The following AGO2 variants were observed in gnomAD, a reference collection of about 807,000 sequenced individuals.
The protein encoded by AGO2 is protein argonaute-2.
Under a neutral mutation model 102.3 loss-of-function variants are expected in AGO2, and 5 were observed. That is an observed-to-expected ratio of 0.05 (90% CI 0.03 to 0.10). AGO2 has a LOEUF of 0.10. Ranked by LOEUF, AGO2 falls within the 10% of genes least tolerant of loss-of-function variation. The pLI, the probability that AGO2 is intolerant of heterozygous loss-of-function variation, is 1.00. For synonymous variants in AGO2, 449 were observed against 473.1 expected (o/e 0.95, Z 0.66); for missense variants, 541 against 1,183.7 (o/e 0.46, Z 7.97).
At chr8:140,590,833 A>G (rs9644532) in intron 1 of AGO2, among the ~76,000 whole-genome samples, 121,828 of 152,136 alleles carry the variant, frequency 0.8, 49,079 homozygotes, top group Admixed American at 0.84. Flanking sequence ...GCTGGCCATC[A>G]ACCAGAGCCC....
intron 1 of AGO2, among the ~76,000 whole-genome samples, chr8:140,618,041 C>T (rs1051372132): frequency 3.3e-5 from 5 of 151,478 alleles, no homozygotes; most frequent in East Asian, 2.0e-4. Flanking sequence ...TGGTGGCTCA[C>T]GCCTGTAATC....
intron 2 of AGO2, among the ~76,000 whole-genome samples, chr8:140,584,782 T>C (rs7009635): frequency 0.43 from 65,159 of 151,920 alleles, 16,909 homozygotes; most frequent in Non-Finnish European, 0.59. Context: ...GCCGTGACTT[T>C]AGGGGCTGGG....
rs770899001 is a variant in AGO2 at position 140,572,880 on chromosome 8, G to A, written c.268C>T (p.Arg90Trp). The change falls in exon 3 of 19, where the codon CGG (arginine) becomes TGG (tryptophan). Residue 90 changes from arginine (R) to tryptophan (W), a missense_variant. Transcript: ENST00000220592. ...QHFKTQIFGD[R>W]KPVFDGRKNL... ...TTCCTGCCGTCAAACACGGGCTTCC[G>A]ATCCCCAAAGATCTGTGTTTTAAAG... 8.1e-6 allele frequency: 13 copies of A among 1,613,958 alleles called. No homozygotes were observed. The highest frequency in any genetic ancestry group is 2.7e-5 in the African/African-American group (2 of 74,902).
At chr8:140,604,986 C>A (rs190596886) in intron 1 of AGO2, among the ~76,000 whole-genome samples, 1 of 152,272 alleles carries the variant, frequency 6.6e-6, no homozygotes, top group East Asian at 1.9e-4. Flanking sequence ...TCTGCATAAA[C>A]GTGCACTATG....
chr8:140,573,694 C>T (rs1404438721), intron 2 of AGO2, among the ~76,000 whole-genome samples: 2 of 152,252 alleles, frequency 1.3e-5, no homozygotes, highest in African/African-American at 4.8e-5. Context: ...TGTGAAGGCA[C>T]TGACGAGAAG....
intron 1 of AGO2, among the ~76,000 whole-genome samples, chr8:140,615,628 T>C (rs2074132378): frequency 6.6e-6 from 1 of 152,268 alleles, no homozygotes. Context: ...TGGTGGCTTC[T>C]GTCCACTACA....
At chr8:140,606,074 A>G (rs1352073114) in intron 1 of AGO2, among the ~76,000 whole-genome samples, 2 of 152,254 alleles carry the variant, frequency 1.3e-5, no homozygotes, top group Non-Finnish European at 2.9e-5. Context: ...TCATGCTCAC[A>G]GTAAAATATT....
At chr8:140,551,718 G>GGGTGGATGGTTGATGGGTC (rs2073001999) in intron 10 of AGO2, among the ~76,000 whole-genome samples, 1 of 92,714 alleles carries the variant, frequency 1.1e-5, no homozygotes, top group South Asian at 3.9e-4. Context: ...GTTGATGGGT[G>GGGTGGATGGTTGATGGGTC]GGTGGATGGT....
intron 1 of AGO2, among the ~76,000 whole-genome samples, chr8:140,603,159 G>A (rs1046003155): frequency 6.6e-6 from 1 of 152,198 alleles, no homozygotes; most frequent in African/African-American, 2.4e-5. Flanking sequence ...CCCCCACGGC[G>A]GCGTGGCGGA....
intron 3 of AGO2, among the ~76,000 whole-genome samples, chr8:140,571,336 G>C (rs1214365807): frequency 1.3e-5 from 2 of 152,212 alleles, no homozygotes; most frequent in Non-Finnish European, 2.9e-5. Flanking sequence ...ATCCAGAAAG[G>C]CTGAAAGGAG....
At position 140,554,222 on chromosome 8, in the gene AGO2, A is replaced by C. The variant is rs567159522; in HGVS notation, c.1269+1674T>G. Among the ~76,000 whole-genome samples the C allele has an allele frequency of 2.0e-5, 3 of 152,272 alleles. No homozygotes were observed. In the South Asian group the frequency reaches 6.2e-4, roughly 32 times the overall value. On this transcript the variant is annotated intron_variant, in intron 10 of 18. Coordinates refer to ENST00000220592, the MANE Select transcript of AGO2 (RefSeq NM_012154.5). ...GGGGCGTCTCCTCCCCAACTCATGA[A>C]GGGGGATCACGGGCTCTTCCTCCTG...
At chr8:140,613,859 A>AT (rs11410105) in intron 1 of AGO2, among the ~76,000 whole-genome samples, 1 of 151,444 alleles carries the variant, frequency 6.6e-6, no homozygotes, top group South Asian at 2.1e-4. Context: ...CCACAACAAA[A>AT]ATTTTTAAAG....
At chr8:140,603,162 G>A (rs2073954047) in intron 1 of AGO2, among the ~76,000 whole-genome samples, 1 of 152,196 alleles carries the variant, frequency 6.6e-6, no homozygotes, top group Non-Finnish European at 1.5e-5. Context: ...CCACGGCGGC[G>A]TGGCGGAGAT....
intron 3 of AGO2, among the ~76,000 whole-genome samples, chr8:140,564,888 C>G (rs544257119): frequency 6.6e-6 from 1 of 152,248 alleles, no homozygotes; most frequent in Non-Finnish European, 1.5e-5. Flanking sequence ...GTAATCCCAG[C>G]ACTTTGGGAG....
intron 1 of AGO2, among the ~76,000 whole-genome samples, chr8:140,630,468 T>G (rs149413051): frequency 6.6e-6 from 1 of 152,146 alleles, no homozygotes; most frequent in Non-Finnish European, 1.5e-5. Flanking sequence ...TTCCTAAACT[T>G]TTGGAGGAAA....
At chr8:140,544,355 G>A in intron 13 of AGO2, 52 bp from the exon 14 acceptor site, 1 of 1,481,284 alleles carries the variant, frequency 6.8e-7, no homozygotes, top group Non-Finnish European at 9.1e-7. Context: ...CTGGACCTCT[G>A]ACGCTAGTAG....
chr8:140,566,059 A>C (rs1191750756), intron 3 of AGO2, among the ~76,000 whole-genome samples: 1 of 152,028 alleles, frequency 6.6e-6, no homozygotes, highest in Non-Finnish European at 1.5e-5. Flanking sequence ...GTTATGAATG[A>C]ATTTTTGACT....
At chr8:140,641,211 G>T in the AGO2 span, among the ~76,000 whole-genome samples, 2 of 151,892 alleles carry the variant, frequency 1.3e-5, no homozygotes, top group African/African-American at 4.8e-5. Context: ...GATCACCTAA[G>T]CCCTCAGGGA....
At chr8:140,636,753 G>A (rs1011833766), upstream of AGO2, 2 of 152,204 alleles carry the variant, frequency 1.3e-5, no homozygotes, top group Admixed American at 6.5e-5. Context: ...CCAAGTTGCC[G>A]ATACAAAACG....
Sources: gnomAD v4.1 joint callset for allele counts (sites outside exome capture counted in the v4.1 genomes callset) on GRCh38, gnomAD v4.1.1 for gene constraint, MANE v1.5 for transcripts, NCBI Gene and HGNC (gene_info 2026-07-23, HGNC 2026-07-21) for gene names.